ZNF431: variants seen among roughly 807,000 people sequenced by gnomAD.
ZNF431 encodes the protein zinc finger protein 431.
Under a neutral mutation model 57.0 loss-of-function variants are expected in ZNF431, and 34 were observed. That is an observed-to-expected ratio of 0.60 (90% CI 0.45 to 0.79). The LOEUF is 0.79. ZNF431 is among the 30% of genes least tolerant of loss of function. The probability of loss-of-function intolerance (pLI) is 0.00; values close to 1 mark genes in which losing one functional copy is unlikely to be tolerated. For missense variants in ZNF431, 607 were observed against 667.1 expected (o/e 0.91, Z 0.99); for synonymous variants, 207 against 220.3 (o/e 0.94, Z 0.54).
At chr19:21,180,946 A>G (rs1971193484) in intron 4 of ZNF431, among the ~76,000 whole-genome samples, 2 of 142,096 alleles carry the variant, frequency 1.4e-5, no homozygotes, top group South Asian at 4.7e-4. Flanking sequence ...TATCAAAAGA[A>G]AAAAAAAAAA....
chr19:21,183,467 T>C lies in ZNF431; in HGVS notation c.1164T>C (p.Thr388=), dbSNP rs1971271150. 3.7e-6 allele frequency: 6 copies of C among 1,613,786 alleles called. No homozygotes were observed. Among genetic ancestry groups the C allele is most frequent in the African/African-American group, 1.3e-5 (1 of 74,924 alleles). ...GKGFNWSSTL[T]KHKRIHTGEK... ...GCTTTAATTGGTCCTCAACCCTTAC[T>C]AAACATAAAAGAATTCATACTGGAG... Residue 388 remains threonine, a synonymous_variant, in exon 5 of 5, where the codon ACT becomes ACC. Transcript: ENST00000311048.
intron 2 of ZNF431, among the ~76,000 whole-genome samples, chr19:21,155,425 CTTG>C (rs888673793): frequency 1.3e-5 from 2 of 152,032 alleles, no homozygotes; most frequent in African/African-American, 4.8e-5. Context: ...TTACTGTAGC[CTTG>C]TTGTATAGTT....
chr19:21,162,496 G>A (rs1970602962), intron 2 of ZNF431, among the ~76,000 whole-genome samples: 1 of 152,006 alleles, frequency 6.6e-6, no homozygotes, highest in Non-Finnish European at 1.5e-5. Context: ...AGTGGAGACA[G>A]GGTTTCACCA....
chr19:21,162,553 A>G (rs577650465), intron 2 of ZNF431, among the ~76,000 whole-genome samples: 33 of 151,880 alleles, frequency 2.2e-4, no homozygotes, highest in Admixed American at 1.4e-3. Flanking sequence ...CGACTTACCC[A>G]CCTCAGCCTC....
At position 21,188,514 on chromosome 19, in the gene ZNF431, T is replaced by C. The variant is rs759898481; in HGVS notation, c.*4480T>C. Reference sequence around the variant, plus strand: ...AGAATCTTTTATTTTTAAGTGTGAGTGTTAAAGGTTACAAAATAATGAAAT... The same window carrying C: ...AGAATCTTTTATTTTTAAGTGTGAGCGTTAAAGGTTACAAAATAATGAAAT... On this transcript the variant is annotated 3_prime_UTR_variant, in exon 5 of 5. Transcript: ENST00000311048. The C allele has an allele frequency of 2.6e-5, 4 of 152,126 alleles. No homozygotes were observed. Among genetic ancestry groups the C allele is most frequent in the Non-Finnish European group, 5.9e-5 (4 of 68,022 alleles). 9.4% of individuals were successfully genotyped at this position (152,126 alleles called of 1,614,324 possible). A position where few individuals can be genotyped will look rare whatever the true frequency, so the allele number is the denominator to read the frequency against.
At position 21,190,599 on chromosome 19, in the gene ZNF431, A is replaced by T. The variant is rs934801572; in HGVS notation, c.*6565A>T. The T allele has an allele frequency of 2.0e-5, 3 of 151,926 alleles. No individual in the cohort carries two copies. Among genetic ancestry groups the T allele is most frequent in the Non-Finnish European group, 4.4e-5 (3 of 68,000 alleles). The allele number at this position is 151,926 out of a possible 1,614,324, so 9.4% of individuals were successfully genotyped here. ...ATAATAGTCAACATTGAGCATTTAA[A>T]AATATATCCGTTGGACATATGTATG... On this transcript the variant is annotated 3_prime_UTR_variant, in exon 5 of 5. Transcript: ENST00000311048.
Position 21,188,861 on chromosome 19 carries a change from A to G in ZNF431, c.*4827A>G, listed in dbSNP as rs1163511000. The G allele has an allele frequency of 6.6e-6, 1 of 152,202 alleles. No individual in the cohort carries two copies. Among genetic ancestry groups the G allele is most frequent in the Non-Finnish European group, 1.5e-5 (1 of 68,044 alleles). The allele number at this position is 152,202 out of a possible 1,614,324, so 9.4% of individuals were successfully genotyped here. On this transcript the variant is annotated 3_prime_UTR_variant, in exon 5 of 5. Coordinates refer to ENST00000311048, the MANE Select transcript of ZNF431 (RefSeq NM_133473.4). The stretch of plus-strand genomic sequence containing the variant: ...CTTTCATACCGTTACCATCAGCACC[A>G]GAAACTCCAGGTGCCCCAAGCTTAA...
At chr19:21,175,884 A>G (rs190432907) in intron 4 of ZNF431, among the ~76,000 whole-genome samples, 7 of 152,324 alleles carry the variant, frequency 4.6e-5, no homozygotes, top group Admixed American at 6.5e-5. Context: ...TGCAATGAAG[A>G]TACACATCCA....
intron 2 of ZNF431, chr19:21,162,872 T>A: frequency 4.4e-6 from 2 of 450,300 alleles, no homozygotes; most frequent in Non-Finnish European, 2.9e-6. Context: ...GCAGATCCAG[T>A]AGTTGCTCCA....
chr19:21,143,758 G>A (rs531066580), intron 2 of ZNF431, 115 bp downstream of exon 2: 1 of 695,894 alleles, frequency 1.4e-6, no homozygotes, highest in Non-Finnish European at 2.5e-6. Flanking sequence ...CAGAAATAAT[G>A]TATGCCCCCT....
chr19:21,155,849 T>C (rs1303686506), intron 2 of ZNF431, among the ~76,000 whole-genome samples: 1 of 152,136 alleles, frequency 6.6e-6, no homozygotes, highest in Admixed American at 6.5e-5. Flanking sequence ...CCTGTCCTGG[T>C]ATAAAATGAG....
chr19:21,144,347 C>T (rs1599570380), intron 2 of ZNF431, among the ~76,000 whole-genome samples: 1 of 151,854 alleles, frequency 6.6e-6, no homozygotes, highest in Non-Finnish European at 1.5e-5. Flanking sequence ...TACAGGCACA[C>T]ACCACCACAC....
chr19:21,179,992 G>C (rs1044500166), intron 4 of ZNF431, among the ~76,000 whole-genome samples: 1 of 151,980 alleles, frequency 6.6e-6, no homozygotes, highest in African/African-American at 2.4e-5. Flanking sequence ...GTTCAGTTTC[G>C]TTGTAGTTGC....
rs1311188269 is a variant in ZNF431, at chr19:21,189,197, C to T, written c.*5163C>T. 1 of 151,976 alleles carries T rather than the reference C, an allele frequency of 6.6e-6. No homozygotes were observed. The highest frequency in any genetic ancestry group is 2.4e-5 in the African/African-American group (1 of 41,374). 9.4% of individuals were successfully genotyped at this position (151,976 alleles called of 1,614,324 possible). A position where few individuals can be genotyped will look rare whatever the true frequency, so the allele number is the denominator to read the frequency against. On this transcript the variant is annotated 3_prime_UTR_variant, in exon 5 of 5. Coordinates refer to ENST00000311048, the MANE Select transcript of ZNF431 (RefSeq NM_133473.4). ...TTTCTAGGTAATTAATAATTTATCT[C>T]ACATTGGTCAGACATGATGGCTCAT...
At position 21,187,283 on chromosome 19, in the gene ZNF431, C is replaced by G. The variant is rs527863153; in HGVS notation, c.*3249C>G. 5 of 151,742 alleles carry G rather than the reference C, an allele frequency of 3.3e-5. No homozygotes were observed. The highest frequency in any genetic ancestry group is 9.7e-5 in the African/African-American group (4 of 41,384). The allele number at this position is 151,742 out of a possible 1,614,324, so 9.4% of individuals were successfully genotyped here. A position where few individuals can be genotyped will look rare whatever the true frequency, so the allele number is the denominator to read the frequency against. ...TGGTGAAACCCAGTCTCTACTAAAA[C>G]TACAAAAATAGCCAGGCATGGTGGT... is the stretch of plus-strand genomic sequence containing the variant. On this transcript the variant is annotated 3_prime_UTR_variant, in exon 5 of 5. Transcript: ENST00000311048.
chr19:21,158,393 T>G (rs1253974218), intron 2 of ZNF431, among the ~76,000 whole-genome samples: 1 of 151,906 alleles, frequency 6.6e-6, no homozygotes, highest in Non-Finnish European at 1.5e-5. Context: ...GGAGACAGGG[T>G]TTCACCATGT....
chr19:21,172,517 G>T (rs1568309565), intron 4 of ZNF431, among the ~76,000 whole-genome samples: 1 of 151,994 alleles, frequency 6.6e-6, no homozygotes, highest in African/African-American at 2.4e-5. Flanking sequence ...ACATTTCAGG[G>T]CCAGACATGG....
At chr19:21,154,709 A>G (rs1355094988) in intron 2 of ZNF431, among the ~76,000 whole-genome samples, 2 of 152,082 alleles carry the variant, frequency 1.3e-5, no homozygotes, top group Non-Finnish European at 2.9e-5. Flanking sequence ...AATGATCGCC[A>G]TTCTAACTGG....
chr19:21,167,525 T>TA, intron 3 of ZNF431, 46 bp from the exon 4 acceptor site: 2 of 1,396,240 alleles, frequency 1.4e-6, no homozygotes, highest in Non-Finnish European at 1.9e-6. Flanking sequence ...GGTTAGTAAT[T>TA]AGAGAATATA....
Sources: allele counts gnomAD v4.1 joint callset (sites outside exome capture counted in the v4.1 genomes callset), GRCh38; gene constraint gnomAD v4.1.1; transcripts MANE v1.5; gene names NCBI Gene and HGNC (gene_info 2026-07-23, HGNC 2026-07-21).